LDB2: variants seen among roughly 807,000 people sequenced by gnomAD.
LDB2 encodes LIM domain-binding protein 2.
A neutral mutation model predicts 44.3 loss-of-function variants in LDB2; 12 were observed. That is an observed-to-expected ratio of 0.27 (90% confidence interval 0.17 to 0.44). The LOEUF is 0.44. Among genes scored for constraint, LDB2 ranks in the 20% least tolerant of loss-of-function variants. The pLI is 1.00. For synonymous variants in LDB2, 164 were observed against 174.8 expected (o/e 0.94, Z 0.49); for missense variants, 344 against 473.5 (o/e 0.73, Z 2.54).
At chr4:16,842,427 T>A (rs1212320318) in intron 1 of LDB2, among the ~76,000 whole-genome samples, 1 of 151,642 alleles carries the variant, frequency 6.6e-6, no homozygotes, top group Non-Finnish European at 1.5e-5. Flanking sequence ...TTTCTGTAAA[T>A]TAAAAAAAAA....
chr4:16,851,468 C>T (rs1303031053), intron 1 of LDB2, among the ~76,000 whole-genome samples: 1 of 151,906 alleles, frequency 6.6e-6, no homozygotes, highest in Non-Finnish European at 1.5e-5. Context: ...GTGGTGGGCA[C>T]CTGTAATCCC....
chr4:16,529,926 C>A (rs1258328136), intron 5 of LDB2, among the ~76,000 whole-genome samples: 17 of 152,026 alleles, frequency 1.1e-4, no homozygotes, highest in Admixed American at 1.0e-3. Flanking sequence ...TTCTTTATGC[C>A]CTCTGGAGCA....
Position 16,536,008 on chromosome 4 carries a change from T to C in LDB2, c.616-23904A>G, listed in dbSNP as rs72619112. ...AGCCTCAAGGTGTTATTTGCCAAAG[T>C]AGATGAAGCTGCATAGCACAAAAAC... On this transcript the variant is annotated intron_variant, in intron 5 of 7. Coordinates refer to ENST00000304523, the MANE Select transcript of LDB2 (RefSeq NM_001290.5). Among the ~76,000 whole-genome samples the C allele has an allele frequency of 0.011, 1,601 of 152,306 alleles. 152 individuals are homozygous for C. In the East Asian group the frequency reaches 0.23, roughly 22 times the overall value.
At chr4:16,536,118 G>A (rs1731758258) in intron 5 of LDB2, among the ~76,000 whole-genome samples, 1 of 152,190 alleles carries the variant, frequency 6.6e-6, no homozygotes, top group Admixed American at 6.5e-5. Context: ...TGCCCCTACA[G>A]GATGGTCGGC....
chr4:16,579,802 A>G (rs536977659), intron 5 of LDB2, among the ~76,000 whole-genome samples: 23 of 152,150 alleles, frequency 1.5e-4, no homozygotes, highest in Non-Finnish European at 3.1e-4. Flanking sequence ...TTACCAAACC[A>G]TCCATCTGCC....
At chr4:16,767,522 C>T (rs1047092309) in intron 1 of LDB2, among the ~76,000 whole-genome samples, 4 of 150,210 alleles carry the variant, frequency 2.7e-5, no homozygotes, top group Non-Finnish European at 4.4e-5. Context: ...CGTGTTTTCC[C>T]AACAGACAGC....
intron 2 of LDB2, among the ~76,000 whole-genome samples, chr4:16,611,157 G>A (rs1725489040): frequency 6.6e-6 from 1 of 152,116 alleles, no homozygotes; most frequent in South Asian, 2.1e-4. Flanking sequence ...TTCCAGACAA[G>A]CAAATGCTGA....
At chr4:16,628,608 C>G (rs893967522) in intron 2 of LDB2, among the ~76,000 whole-genome samples, 9 of 151,458 alleles carry the variant, frequency 5.9e-5, no homozygotes, top group African/African-American at 2.2e-4. Context: ...GAAAGCCTCT[C>G]TTAAATTTGA....
chr4:16,619,956 TTAAA>T (rs1193916024), intron 2 of LDB2, among the ~76,000 whole-genome samples: 3 of 152,186 alleles, frequency 2.0e-5, no homozygotes, highest in Non-Finnish European at 1.5e-5. Flanking sequence ...CATCGGCACT[TTAAA>T]TACTATGGAA....
rs894290744 is a variant in LDB2 at position 16,864,431 on chromosome 4, C to T, written c.132+33923G>A. On this transcript the variant is annotated intron_variant, in intron 1 of 7. Transcript: ENST00000304523. ...ACTTTCTTCGCACAGAAAGATGACA[C>T]CATAGATCTCTGCATGCCTTGGTGC... is the stretch of plus-strand genomic sequence containing the variant. 2.0e-5 allele frequency among the ~76,000 whole-genome samples: 3 copies of T among 152,006 alleles called. No homozygotes were observed. The South Asian group carries it at 6.2e-4, about 32-fold the overall frequency.
At chr4:16,885,337 T>TAA (rs138372888) in intron 1 of LDB2, among the ~76,000 whole-genome samples, 2 of 151,218 alleles carry the variant, frequency 1.3e-5, no homozygotes, top group African/African-American at 4.9e-5. Flanking sequence ...CTCAAAAAAA[T>TAA]AAAAAAAGAA....
chr4:16,824,930 T>A (rs1304877459), intron 1 of LDB2, among the ~76,000 whole-genome samples: 4 of 152,230 alleles, frequency 2.6e-5, no homozygotes, highest in Non-Finnish European at 2.9e-5. Flanking sequence ...AAGGAAAGCA[T>A]TACACTGTGA....
chr4:16,664,641 A>G (rs1326891132), intron 2 of LDB2, among the ~76,000 whole-genome samples: 2 of 152,354 alleles, frequency 1.3e-5, no homozygotes, highest in South Asian at 2.1e-4. Flanking sequence ...TGTAAATGTG[A>G]TTACTAAAAA....
intron 1 of LDB2, among the ~76,000 whole-genome samples, chr4:16,863,255 G>C (rs747501572): frequency 1.2e-4 from 19 of 152,316 alleles, no homozygotes; most frequent in Non-Finnish European, 2.2e-4. Flanking sequence ...AGCAGAAAGA[G>C]AGGAGAGTTT....
chr4:16,601,648 A>G (rs947123681), intron 2 of LDB2, among the ~76,000 whole-genome samples: 24 of 152,308 alleles, frequency 1.6e-4, no homozygotes, highest in African/African-American at 5.8e-4. Flanking sequence ...AAACATGAAA[A>G]TAGATAAATT....
At chr4:16,557,905 G>A (rs544297273) in intron 5 of LDB2, among the ~76,000 whole-genome samples, 138 of 152,246 alleles carry the variant, frequency 9.1e-4, no homozygotes, top group Middle Eastern at 3.4e-3. Flanking sequence ...CATTCGTGGC[G>A]CACGAAACTC....
chr4:16,759,286 A>C, intron 1 of LDB2, 26 bp from the exon 2 acceptor site: 1 of 1,486,440 alleles, frequency 6.7e-7, no homozygotes, highest in Non-Finnish European at 9.4e-7. Flanking sequence ...TCATTTATTT[A>C]ACAAGGGAAA....
At chr4:16,576,298 T>C (rs949098818) in intron 5 of LDB2, among the ~76,000 whole-genome samples, 14 of 151,880 alleles carry the variant, frequency 9.2e-5, no homozygotes, top group Non-Finnish European at 1.8e-4. Context: ...GAAATGAAGG[T>C]TGGTTTTTTT....
At chr4:16,751,423 A>G (rs941257960) in intron 2 of LDB2, among the ~76,000 whole-genome samples, 6 of 152,200 alleles carry the variant, frequency 3.9e-5, no homozygotes, top group Non-Finnish European at 8.8e-5. Context: ...ACATTAGAGA[A>G]TGGAATGTCT....
Sources: gnomAD v4.1 joint callset for allele counts (sites outside exome capture counted in the v4.1 genomes callset) on GRCh38, gnomAD v4.1.1 for gene constraint, MANE v1.5 for transcripts, NCBI Gene and HGNC (gene_info 2026-07-23, HGNC 2026-07-21) for gene names.